TNXB: variants seen among roughly 807,000 people sequenced by gnomAD.
The protein encoded by TNXB is tenascin-X.
TNXB carries 183 observed loss-of-function variants against 340.5 expected under a neutral mutation model. That is an observed-to-expected ratio of 0.54 (90% CI 0.48 to 0.61). TNXB has a LOEUF of 0.61. Ranked by LOEUF, TNXB falls within the 20% of genes least tolerant of loss-of-function variation. The probability of loss-of-function intolerance (pLI) is 0.00; values close to 1 mark genes in which losing one functional copy is unlikely to be tolerated. For synonymous variants in TNXB, 2,121 were observed against 2,314.5 expected, an observed-to-expected ratio of 0.92 and a Z score of 2.40; for missense variants, 4,613 against 5,446.4, an observed-to-expected ratio of 0.85 and a Z score of 4.82.
intron 1 of TNXB, among the ~76,000 whole-genome samples, chr6:32,105,838 C>A (rs1780950952): frequency 6.6e-6 from 1 of 152,162 alleles, no homozygotes; most frequent in African/African-American, 2.4e-5. Flanking sequence ...AGGAATATAC[C>A]CAACATAGCT....
Position 32,095,619 on chromosome 6 carries a change from C to T in TNXB, c.2234G>A (p.Cys745Tyr). 1 of 1,611,758 alleles carries T rather than the reference C, an allele frequency of 6.2e-7. No individual in the cohort carries two copies. The highest frequency in any genetic ancestry group is 8.5e-7 in the Non-Finnish European group (1 of 1,178,178). Residue 745 changes from cysteine to tyrosine, a missense_variant, in exon 3 of 44, where the codon TGC becomes TAC. Cys to Tyr is a radical substitution (Grantham distance 194). Coordinates refer to ENST00000644971, the MANE Select transcript of TNXB (RefSeq NM_001365276.2). Reference protein sequence around the residue: ...VCKDGYAGEDCGEEVPTIEGM... With the variant: ...VCKDGYAGEDYGEEVPTIEGM... ...GAAGGCTGCCTGCTCACCTTCTCCG[C>T]AGTCTTCGCCAGCATACCCATCTTT...
Position 32,096,065 on chromosome 6 carries a change from CTGGCTG to C in TNXB, c.1782_1787del (p.Cys594_Gln596delinsTrp). The C allele has an allele frequency of 6.2e-7, 1 of 1,612,980 alleles. No individual in the cohort carries two copies. Among genetic ancestry groups the C allele is most frequent in the Non-Finnish European group, 8.5e-7 (1 of 1,179,724 alleles). ...ACACACCGTCCTGGCACACGCCGTG[CTGGCTG>C]CAGTCATTCGGGCACTGCCTCACAC... On this transcript the variant is annotated inframe_deletion, in exon 3 of 44. Coordinates refer to ENST00000644971, the MANE Select transcript of TNXB (RefSeq NM_001365276.2).
At position 32,082,147 on chromosome 6, in the gene TNXB, C is replaced by T. The variant is rs772414777; in HGVS notation, c.3625G>A (p.Glu1209Lys). Residue 1209 changes from glutamate to lysine, a missense_variant, in exon 9 of 44, where the codon GAG becomes AAG. This residue lies in a region of TNXB where 4,327 missense variants were observed against 4,859.4 expected (regional missense o/e 0.89). Transcript: ENST00000644971. The surrounding 1 kb of genome is among the most constrained non-coding windows in gnomAD (Gnocchi z 5.0). ...RPQVVPVEGP[E>K]RSFVVSSLDP... The stretch of plus-strand genomic sequence containing the variant: ...AGTGAGGAGACAACAAATGAACGCT[C>T]GGGCCCTTCCACAGGTACCACCTGG... 15 of 1,611,862 alleles carry T rather than the reference C, an allele frequency of 9.3e-6. 1 individual carries two copies. The highest frequency in any genetic ancestry group is 4.4e-5 in the South Asian group (4 of 90,920).
Position 32,093,343 on chromosome 6 carries a change from G to T in TNXB, c.2358+1733C>A, listed in dbSNP as rs1183074414. On this transcript the variant is annotated intron_variant, in intron 4 of 43. Coordinates refer to ENST00000644971, the MANE Select transcript of TNXB (RefSeq NM_001365276.2). ...TATTTTTATAACAACAACAAAAAAA[G>T]ATGTTTAAACAGAAGAAAAAATTCA... is the stretch of plus-strand genomic sequence containing the variant. The T allele has an allele frequency of 4.3e-6, 3 of 692,498 alleles. No homozygotes were observed. In the East Asian group the frequency reaches 8.1e-5, roughly 19 times the overall value. 42.9% of individuals were successfully genotyped at this position (692,498 alleles called of 1,614,324 possible). A position where few individuals can be genotyped will look rare whatever the true frequency, so the allele number is the denominator to read the frequency against.
At position 32,085,909 on chromosome 6, in the gene TNXB, C is replaced by T. The variant is rs1779740825; in HGVS notation, c.2989G>A (p.Val997Met). ...TCATGTGCCCCCGGCCCCTCGGGCA[C>T]CCGCATGCGCAGTTGGAAGTAGGCA... ...TFAYFQLRMR[V>M]PEGPGAHEEV... The change falls in exon 7 of 44, where the codon GTG (valine) becomes ATG (methionine). Residue 997 changes from valine to methionine, a missense_variant. Val to Met is a conservative substitution (Grantham distance 21). This residue lies in a region of TNXB where 4,327 missense variants were observed against 4,859.4 expected (regional missense o/e 0.89). Transcript: ENST00000644971. This position sits in a 1 kb window ranked among gnomAD's most constrained non-coding sequence, Gnocchi z 6.4. The T allele has an allele frequency of 6.2e-7, 1 of 1,608,458 alleles. No homozygotes were observed. Among genetic ancestry groups the T allele is most frequent in the Non-Finnish European group, 8.5e-7 (1 of 1,178,768 alleles).
Position 32,090,182 on chromosome 6 carries a change from A to C in TNXB, c.2359-803T>G, listed in dbSNP as rs374950888. ...CTGGGCATTGGAGACACAAAAATAA[A>C]ATATATGGTCCCTGTCCTCAGGTAG... is the stretch of plus-strand genomic sequence containing the variant. On this transcript the variant is annotated intron_variant, in intron 4 of 43. Transcript: ENST00000644971. This position sits in a 1 kb window ranked among gnomAD's most constrained non-coding sequence, Gnocchi z 4.3. 1.2e-4 allele frequency among the ~76,000 whole-genome samples: 18 copies of C among 152,300 alleles called. No homozygotes were observed. The highest frequency in any genetic ancestry group is 7.7e-4 in the East Asian group (4 of 5,190).
Position 32,095,969 on chromosome 6 carries a change from C to T in TNXB, c.1884G>A (p.Arg628=). 6.2e-7 allele frequency: 1 copy of T among 1,613,150 alleles called. No individual in the cohort carries two copies. Among genetic ancestry groups the T allele is most frequent in the Non-Finnish European group, 8.5e-7 (1 of 1,179,774 alleles). Residue 628 remains arginine, a synonymous_variant, in exon 3 of 44, where the codon AGG becomes AGA. Coordinates refer to ENST00000644971, the MANE Select transcript of TNXB (RefSeq NM_001365276.2). Reference sequence around the variant, plus strand: ...GGCAGCGCCCTTCCTCACAGCGGCCCCTCCCGTGGCAGTTGGAGGGGCAGG... The same window carrying T: ...GGCAGCGCCCTTCCTCACAGCGGCCTCTCCCGTGGCAGTTGGAGGGGCAGG... ...IRTCPSNCHG[R]GRCEEGRCLC...
intron 1 of TNXB, among the ~76,000 whole-genome samples, chr6:32,101,077 C>CAAAAAAA (rs35800696): frequency 3.6e-4 from 17 of 46,936 alleles, no homozygotes; most frequent in South Asian, 8.7e-4. Context: ...AACTCCATCT[C>CAAAAAAA]AAAAAAAAAA....
In TNXB at chr6:32,087,434, G is replaced by C. The variant is rs1779851275; in HGVS notation, c.2780-1316C>G. 4.2e-6 allele frequency: 2 copies of C among 478,826 alleles called. No individual in the cohort carries two copies. Among genetic ancestry groups the C allele is most frequent in the African/African-American group, 3.9e-5 (2 of 51,014 alleles). The allele number at this position is 478,826 out of a possible 1,614,324, so 29.7% of individuals were successfully genotyped here. On this transcript the variant is annotated intron_variant, in intron 6 of 43. Coordinates refer to ENST00000644971, the MANE Select transcript of TNXB (RefSeq NM_001365276.2). This position sits in a 1 kb window ranked among gnomAD's most constrained non-coding sequence, Gnocchi z 9.0. ...TGAGGCCGCCAGCGCAGCACCACGC[G>C]CTCGAACTGGCCGCGGAGCCCGTCG...
At position 32,049,434 on chromosome 6, in the gene TNXB, A is replaced by C; in HGVS notation, c.9593T>G (p.Val3198Gly). Residue 3198 changes from valine (V) to glycine (G), a missense_variant, in exon 28 of 44, where the codon GTG becomes GGG. Around this residue, in one of 7 missense-constraint regions of TNXB, gnomAD observed 4,327 missense variants for 4,859.4 expected, o/e 0.89. Coordinates refer to ENST00000644971, the MANE Select transcript of TNXB (RefSeq NM_001365276.2). The surrounding 1 kb of genome is among the most constrained non-coding windows in gnomAD (Gnocchi z 4.5). Reference sequence around the variant, plus strand: ...CTGCCCGTCCCTGTCCTTGTACTGCACGGTGAAGGAGTCGAAGCGGCCCTG... The same window carrying C: ...CTGCCCGTCCCTGTCCTTGTACTGCCCGGTGAAGGAGTCGAAGCGGCCCTG... ...VPQGRFDSFT[V>G]QYKDRDGQPQ... 2 of 1,612,678 alleles carry C rather than the reference A, an allele frequency of 1.2e-6. No homozygotes were observed. The highest frequency in any genetic ancestry group is 1.7e-6 in the Non-Finnish European group (2 of 1,179,878).
At chr6:32,054,672 C>T (rs1366981489) in intron 24 of TNXB, among the ~76,000 whole-genome samples, 1 of 152,216 alleles carries the variant, frequency 6.6e-6, no homozygotes, top group Non-Finnish European at 1.5e-5. Flanking sequence ...TCCACATGCT[C>T]ATCCTTCTTT....
In TNXB at chr6:32,081,317, G is replaced by A; in HGVS notation, c.4042+51C>T. The A allele has an allele frequency of 3.4e-6, 5 of 1,489,290 alleles. No individual in the cohort carries two copies. Among genetic ancestry groups the A allele is most frequent in the East Asian group, 2.5e-5 (1 of 40,150 alleles). The allele number at this position is 1,489,290 out of a possible 1,614,324, so 92.3% of individuals were successfully genotyped here. On this transcript the variant is annotated intron_variant, in intron 10 of 43. Transcript: ENST00000644971. This position sits in a 1 kb window ranked among gnomAD's most constrained non-coding sequence, Gnocchi z 5.1. ...CTGGAAGGAGCCCCAGCCAAGTCCC[G>A]CTCACAGGATGGGGCTAGCAGGGGA...
chr6:32,086,863 T>A (rs571130609), intron 6 of TNXB, among the ~76,000 whole-genome samples: 25 of 152,352 alleles, frequency 1.6e-4, no homozygotes, highest in African/African-American at 5.8e-4. Context: ...TCAGCCACTC[T>A]CACCACAGTG....
At position 32,058,686 on chromosome 6, in the gene TNXB, G is replaced by A. The variant is rs1042482905; in HGVS notation, c.7493-296C>T. ...CCTTTGACCCAATAATCCCAGTTCT[G>A]GGCATCTGTCCTAAGAAAATTATTA... On this transcript the variant is annotated intron_variant, in intron 21 of 43. Transcript: ENST00000644971. The surrounding 1 kb of genome is among the most constrained non-coding windows in gnomAD (Gnocchi z 5.1). Among the ~76,000 whole-genome samples the A allele has an allele frequency of 6.6e-6, 1 of 151,730 alleles. No individual in the cohort carries two copies. The highest frequency in any genetic ancestry group is 2.4e-5 in the African/African-American group (1 of 41,060).
rs1341081463 is a variant in TNXB, at chr6:32,096,386, G to A, written c.1467C>T (p.Gly489=). The change falls in exon 3 of 44, where the codon GGC becomes GGT. Residue 489 remains glycine, a synonymous_variant. Coordinates refer to ENST00000644971, the MANE Select transcript of TNXB (RefSeq NM_001365276.2). ...GACAGGCGCGCGTGCCGCAGTCCCGGCCTGTGTACCCCGGCCAACACATGC... is the reference window on the plus strand; with the variant it reads ...GACAGGCGCGCGTGCCGCAGTCCCGACCTGTGTACCCCGGCCAACACATGC... ...GRCMCWPGYT[G]RDCGTRACPG... 2.6e-6 allele frequency: 4 copies of A among 1,566,076 alleles called. No individual in the cohort carries two copies. The highest frequency in any genetic ancestry group is 3.4e-6 in the Non-Finnish European group (4 of 1,164,194).
chr6:32,094,396 ACT>A (rs1282630749), intron 4 of TNXB, among the ~76,000 whole-genome samples: 1 of 152,008 alleles, frequency 6.6e-6, no homozygotes, highest in Non-Finnish European at 1.5e-5. Context: ...GGCCTATATT[ACT>A]TTTATAATTA....
Position 32,068,396 on chromosome 6 carries a change from C to T in TNXB, c.6214G>A (p.Val2072Met), listed in dbSNP as rs777000609. 6.2e-7 allele frequency: 1 copy of T among 1,613,398 alleles called. No individual in the cohort carries two copies. The highest frequency in any genetic ancestry group is 8.5e-7 in the Non-Finnish European group (1 of 1,179,510). Residue 2072 changes from valine (V) to methionine (M), a missense_variant, in exon 17 of 44, where the codon GTG (valine) becomes ATG (methionine). Physicochemically the swap from Val to Met is conservative, Grantham distance 21. Around this residue, in one of 7 missense-constraint regions of TNXB, gnomAD observed 4,327 missense variants for 4,859.4 expected, o/e 0.89. Coordinates refer to ENST00000644971, the MANE Select transcript of TNXB (RefSeq NM_001365276.2). The surrounding 1 kb of genome is among the most constrained non-coding windows in gnomAD (Gnocchi z 5.3). ...GCTCCCATCATCCACTCACCTGTCA[C>T]CCCGACGACAGACACAGGGCCCATG... Reference protein sequence around the residue: ...QRMGPVSVVGVTAAEEETPSP... With the variant: ...QRMGPVSVVGMTAAEEETPSP...
Position 32,067,648 on chromosome 6 carries a change from A to C in TNXB, c.6544+13T>G. ...TAAGACCCAACCCAGAGGGCTCTGC[A>C]GTGCACACTCACCCGTGACGCCCAC... is the stretch of plus-strand genomic sequence containing the variant. On this transcript the variant is annotated intron_variant, in intron 18 of 43. Transcript: ENST00000644971. This position sits in a 1 kb window ranked among gnomAD's most constrained non-coding sequence, Gnocchi z 4.2. 2 of 1,611,268 alleles carry C rather than the reference A, an allele frequency of 1.2e-6. No individual in the cohort carries two copies. Among genetic ancestry groups the C allele is most frequent in the Non-Finnish European group, 1.7e-6 (2 of 1,178,272 alleles).
In TNXB at chr6:32,085,975, C is replaced by G. The variant is rs746011565; in HGVS notation, c.2923G>C (p.Gly975Arg). 6.2e-7 allele frequency: 1 copy of G among 1,608,076 alleles called. No individual in the cohort carries two copies. The highest frequency in any genetic ancestry group is 8.5e-7 in the Non-Finnish European group (1 of 1,178,782). Residue 975 changes from glycine (G) to arginine (R), a missense_variant, in exon 7 of 44, where the codon GGG becomes CGG. Gly to Arg is a moderately radical substitution (Grantham distance 125). Around this residue, in one of 7 missense-constraint regions of TNXB, gnomAD observed 4,327 missense variants for 4,859.4 expected, o/e 0.89. Coordinates refer to ENST00000644971, the MANE Select transcript of TNXB (RefSeq NM_001365276.2). The surrounding 1 kb of genome is among the most constrained non-coding windows in gnomAD (Gnocchi z 6.4). Reference sequence around the variant, plus strand: ...GCGGTCCAGACCACACGGAGGCGCCCTGTCTCATCTCTGCCCAGCACCCTC... The same window carrying G: ...GCGGTCCAGACCACACGGAGGCGCCGTGTCTCATCTCTGCCCAGCACCCTC... ...ELRVLGRDET[G>R]RLRVVWTAQP...
Sources: allele counts gnomAD v4.1 joint callset (sites outside exome capture counted in the v4.1 genomes callset), GRCh38; gene constraint gnomAD v4.1.1; regional missense constraint gnomAD v4.1.1; non-coding constraint Gnocchi (gnomAD v3.1); transcripts MANE v1.5; gene names NCBI Gene and HGNC (gene_info 2026-07-23, HGNC 2026-07-21).